RUSC2: variants seen among roughly 807,000 people sequenced by gnomAD.
The protein encoded by RUSC2 is RUN and SH3 domain containing 2, also known as AP-4 complex accessory subunit RUSC2.
A neutral mutation model predicts 122.2 loss-of-function variants in RUSC2; 34 were observed. That is an observed-to-expected ratio of 0.28 (90% confidence interval 0.21 to 0.37). RUSC2 has a LOEUF of 0.37. Ranked by LOEUF, RUSC2 falls within the 10% of genes least tolerant of loss-of-function variation. The pLI is 1.00. For missense variants in RUSC2, 1,747 were observed against 1,952.4 expected, an observed-to-expected ratio of 0.89 and a Z score of 1.98; for synonymous variants, 784 against 790.0, an observed-to-expected ratio of 0.99 and a Z score of 0.13.
chr9:35,496,181 G>A (rs977604928), intron 1 of RUSC2, among the ~76,000 whole-genome samples: 15 of 152,110 alleles, frequency 9.9e-5, no homozygotes, highest in African/African-American at 2.9e-4. Context: ...GACCTACCTC[G>A]AGGCTGCAGA....
rs534010258 is a variant in RUSC2 at position 35,530,140 on chromosome 9, C to T, written c.-92-16290C>T. ...CTAATTTTTGTATTTTTTGTAGAGA[C>T]GGGGTTTCACCATGTTGCCGAGGCT... On this transcript the variant is annotated intron_variant, in intron 1 of 11. Transcript: ENST00000361226. 2.4e-4 allele frequency among the ~76,000 whole-genome samples: 36 copies of T among 152,202 alleles called. No homozygotes were observed. In the South Asian group the frequency reaches 6.0e-3, roughly 25 times the overall value.
chr9:35,509,819 A>G (rs1820981227), intron 1 of RUSC2, among the ~76,000 whole-genome samples: 1 of 152,172 alleles, frequency 6.6e-6, no homozygotes, highest in South Asian at 2.1e-4. Flanking sequence ...GATGTCTTAT[A>G]TATCTTCTCT....
In RUSC2 at chr9:35,546,345, C is replaced by A; in HGVS notation, c.-92-85C>A. ...GCCTTTTCTCTTCCTGGGCTCTTCT[C>A]CATCTGAAAATGATGTAGGGAAGGG... On this transcript the variant is annotated intron_variant, in intron 1 of 11. Coordinates refer to ENST00000361226, the MANE Select transcript of RUSC2 (RefSeq NM_014806.5). The surrounding 1 kb of genome is among the most constrained non-coding windows in gnomAD (Gnocchi z 4.3). The A allele has an allele frequency of 2.4e-6, 1 of 412,380 alleles. No homozygotes were observed. The highest frequency in any genetic ancestry group is 4.2e-6 in the Non-Finnish European group (1 of 239,506). 25.5% of individuals were successfully genotyped at this position (412,380 alleles called of 1,614,324 possible).
intron 1 of RUSC2, chr9:35,539,052 G>C (rs1481238360): frequency 6.6e-6 from 1 of 152,346 alleles, no homozygotes; most frequent in Non-Finnish European, 1.5e-5. Flanking sequence ...GTAGAGCTTG[G>C]TCGGAGTGCA....
intron 1 of RUSC2, among the ~76,000 whole-genome samples, chr9:35,533,043 C>T (rs1022532748): frequency 2.0e-5 from 3 of 151,780 alleles, no homozygotes; most frequent in Admixed American, 6.6e-5. Flanking sequence ...CTCAGGAGTT[C>T]GAGACCAGCC....
At position 35,561,670 on chromosome 9, in the gene RUSC2, C is replaced by A. The variant is rs984778850; in HGVS notation, c.*288C>A. Reference sequence around the variant, plus strand: ...TTCCATGGGTGAAGACAAGCAAGTCCCCCTGGAGGCGGGTGGCCCAGAAAG... The same window carrying A: ...TTCCATGGGTGAAGACAAGCAAGTCACCCTGGAGGCGGGTGGCCCAGAAAG... On this transcript the variant is annotated 3_prime_UTR_variant, in exon 12 of 12. Transcript: ENST00000361226. 7.5e-6 allele frequency: 4 copies of A among 534,300 alleles called. No homozygotes were observed. The highest frequency in any genetic ancestry group is 1.9e-5 in the African/African-American group (1 of 52,848). 33.1% of individuals were successfully genotyped at this position (534,300 alleles called of 1,614,324 possible). A position where few individuals can be genotyped will look rare whatever the true frequency, so the allele number is the denominator to read the frequency against.
At chr9:35,491,250 T>C (rs1387325880) in intron 1 of RUSC2, among the ~76,000 whole-genome samples, 1 of 152,132 alleles carries the variant, frequency 6.6e-6, no homozygotes, top group East Asian at 1.9e-4. Flanking sequence ...AAACAATGGC[T>C]GGAAAGCTGT....
At position 35,560,411 on chromosome 9, in the gene RUSC2, A is replaced by G; in HGVS notation, c.3771A>G (p.Ser1257=). The G allele has an allele frequency of 5.6e-6, 9 of 1,614,144 alleles. No individual in the cohort carries two copies. Among genetic ancestry groups the G allele is most frequent in the Non-Finnish European group, 7.6e-6 (9 of 1,180,002 alleles). ...AGGTGGCAGAGGCAGCCGGGGGCTC[A>G]GGGCGTGCCAGGTGGGCCCGAGGTG... ...TEEVAEAAGG[S]GRARWARGGQ... The change falls in exon 10 of 12, where the codon TCA becomes TCG. Residue 1257 remains serine (S), a synonymous_variant. Transcript: ENST00000361226.
chr9:35,541,221 T>C (rs913658204), intron 1 of RUSC2, among the ~76,000 whole-genome samples: 2 of 152,072 alleles, frequency 1.3e-5, no homozygotes. Flanking sequence ...TTCTACTTTC[T>C]TCTTATTCTG....
At chr9:35,550,417 G>A (rs1194664061) in intron 2 of RUSC2, among the ~76,000 whole-genome samples, 1 of 151,772 alleles carries the variant, frequency 6.6e-6, no homozygotes, top group African/African-American at 2.4e-5. Flanking sequence ...CCTGAGTTCG[G>A]GAGTTCAAGA....
rs1821646844 is a variant in RUSC2 at position 35,541,761 on chromosome 9, T to C, written c.-92-4669T>C. Among the ~76,000 whole-genome samples the C allele has an allele frequency of 2.6e-5, 4 of 152,224 alleles. No individual in the cohort carries two copies. In the South Asian group the frequency reaches 8.3e-4, roughly 32 times the overall value. ...TGCTAGGTCTACTCTCATTATATTC[T>C]TAACTGACCAAGAAAAAAGATCAAA... is the stretch of plus-strand genomic sequence containing the variant. On this transcript the variant is annotated intron_variant, in intron 1 of 11. Transcript: ENST00000361226.
intron 1 of RUSC2, among the ~76,000 whole-genome samples, chr9:35,494,858 A>G (rs1357582886): frequency 6.9e-6 from 1 of 145,066 alleles, no homozygotes; most frequent in African/African-American, 2.5e-5. Context: ...ATCATTGCCA[A>G]ATTAAGTGAC....
chr9:35,492,557 G>A (rs1428602393), intron 1 of RUSC2, among the ~76,000 whole-genome samples: 1 of 151,930 alleles, frequency 6.6e-6, no homozygotes, highest in Non-Finnish European at 1.5e-5. Flanking sequence ...ATCATTTTGA[G>A]TAGCCAGATG....
intron 1 of RUSC2, among the ~76,000 whole-genome samples, chr9:35,490,693 C>CGGCG (rs1456150547): frequency 2.6e-5 from 4 of 152,134 alleles, no homozygotes; most frequent in African/African-American, 7.2e-5. Flanking sequence ...ATTATCCGCC[C>CGGCG]GGCGCCGGCG....
At chr9:35,552,817 GA>G (rs1180500064) in intron 2 of RUSC2, among the ~76,000 whole-genome samples, 1 of 152,194 alleles carries the variant, frequency 6.6e-6, no homozygotes, top group Non-Finnish European at 1.5e-5. Flanking sequence ...AGAAAAGTGA[GA>G]AAACTTATTC....
In RUSC2 at chr9:35,560,682, C is replaced by T. The variant is rs1822136264; in HGVS notation, c.4042C>T (p.Pro1348Ser). The T allele has an allele frequency of 1.3e-6, 2 of 1,571,928 alleles. No homozygotes were observed. The highest frequency in any genetic ancestry group is 1.1e-5 in the South Asian group (1 of 87,212). ...GGGCTGGCCCTTCTGGATGGGGAGC[C>T]CCCCTGACTCTGTGCTGGCCGAGCT... ...ERGWPFWMGSPPDSVLAELRR... is the reference protein window; with the variant it reads ...ERGWPFWMGSSPDSVLAELRR... Residue 1348 changes from proline to serine, a missense_variant, in exon 10 of 12, where the codon CCC (proline) becomes TCC (serine). Physicochemically the swap from Pro to Ser is moderately conservative, Grantham distance 74 (BLOSUM62 -1). Transcript: ENST00000361226.
chr9:35,532,722 G>T (rs900875968), intron 1 of RUSC2, among the ~76,000 whole-genome samples: 5 of 151,952 alleles, frequency 3.3e-5, no homozygotes, highest in African/African-American at 1.2e-4. Context: ...TCCAGCCTGG[G>T]TGACAGAGCG....
intron 5 of RUSC2, among the ~76,000 whole-genome samples, chr9:35,556,893 C>T (rs773697734): frequency 3.9e-5 from 6 of 152,152 alleles, no homozygotes; most frequent in Non-Finnish European, 8.8e-5. Context: ...GCTCTGGGGC[C>T]AGAGGAGGAA....
At position 35,559,253 on chromosome 9, in the gene RUSC2, T is replaced by C. The variant is rs1394893135; in HGVS notation, c.3369T>C (p.Asn1123=). Residue 1123 remains asparagine, a synonymous_variant, in exon 9 of 12, where the codon AAT becomes AAC. Coordinates refer to ENST00000361226, the MANE Select transcript of RUSC2 (RefSeq NM_014806.5). ...LNIRSLEFWF[N]HLYNHEDIIQ... Reference sequence around the variant, plus strand: ...TCCGGTCCCTGGAGTTCTGGTTTAATCACCTCTATAACCACGAAGGTAATG... The same window carrying C: ...TCCGGTCCCTGGAGTTCTGGTTTAACCACCTCTATAACCACGAAGGTAATG... 1 of 1,613,514 alleles carries C rather than the reference T, an allele frequency of 6.2e-7. No homozygotes were observed. The highest frequency in any genetic ancestry group is 2.2e-5 in the East Asian group (1 of 44,892).
Sources: allele counts gnomAD v4.1 joint callset (sites outside exome capture counted in the v4.1 genomes callset), GRCh38; gene constraint gnomAD v4.1.1; non-coding constraint Gnocchi (gnomAD v3.1); transcripts MANE v1.5; gene names NCBI Gene and HGNC (gene_info 2026-07-23, HGNC 2026-07-21).